CRIM1: variants seen among roughly 807,000 people sequenced by gnomAD.
The protein encoded by CRIM1 is cysteine-rich motor neuron 1 protein.
Under a neutral mutation model 116.4 loss-of-function variants are expected in CRIM1, and 32 were observed. The ratio of observed to expected loss-of-function variants is 0.27; its 90% CI spans 0.21 to 0.37. The LOEUF (loss-of-function observed/expected upper bound fraction) is 0.37, where lower values mean the gene tolerates loss of function less well. CRIM1 is among the 10% of genes least tolerant of loss of function. The pLI is 1.00. For missense variants in CRIM1, 1,331 were observed against 1,354.8 expected (o/e 0.98, Z 0.28); for synonymous variants, 590 against 509.2 (o/e 1.16, Z -2.13).
chr2:36,486,796 A>C (rs1366858883), intron 7 of CRIM1, among the ~76,000 whole-genome samples: 2 of 152,194 alleles, frequency 1.3e-5, no homozygotes, highest in Admixed American at 6.5e-5. Flanking sequence ...CTGGAATGCT[A>C]ACTATGTGAA....
intron 8 of CRIM1, among the ~76,000 whole-genome samples, chr2:36,507,620 C>G (rs1200075949): frequency 6.6e-6 from 1 of 152,174 alleles, no homozygotes; most frequent in African/African-American, 2.4e-5. Context: ...GCATCCCACT[C>G]CTAGGAGGCA....
At chr2:36,389,535 T>G (rs1444411636) in intron 1 of CRIM1, among the ~76,000 whole-genome samples, 1 of 152,204 alleles carries the variant, frequency 6.6e-6, no homozygotes, top group Non-Finnish European at 1.5e-5. Flanking sequence ...GCGTGTGTAC[T>G]GTGAATTTGT....
intron 1 of CRIM1, among the ~76,000 whole-genome samples, chr2:36,382,038 A>ATG (rs544662330): frequency 2.6e-5 from 4 of 152,146 alleles, no homozygotes; most frequent in African/African-American, 9.7e-5. Context: ...AAACCTGAGG[A>ATG]CGTGCCTCAG....
chr2:36,506,181 TC>T (rs1681399873), intron 8 of CRIM1, among the ~76,000 whole-genome samples: 9 of 120,868 alleles, frequency 7.4e-5, no homozygotes, highest in South Asian at 2.9e-4. Context: ...TCTCTCTCTC[TC>T]ACACACACAC....
chr2:36,488,654 T>C (rs1385656241), intron 7 of CRIM1, among the ~76,000 whole-genome samples: 1 of 152,236 alleles, frequency 6.6e-6, no homozygotes, highest in Admixed American at 6.5e-5. Context: ...AGAATACCTG[T>C]TTACACCTCA....
intron 2 of CRIM1, among the ~76,000 whole-genome samples, chr2:36,425,138 G>T (rs147149447): frequency 2.7e-4 from 41 of 152,312 alleles, no homozygotes; most frequent in Admixed American, 1.4e-3. Flanking sequence ...TAGTGAGTTT[G>T]TGGAGGTGAG....
intron 7 of CRIM1, among the ~76,000 whole-genome samples, chr2:36,485,685 G>A (rs1679761904): frequency 6.6e-6 from 1 of 152,106 alleles, no homozygotes. Flanking sequence ...ACATAGTTTG[G>A]CTGACCCCAA....
chr2:36,478,868 T>C (rs1436135982), intron 6 of CRIM1, among the ~76,000 whole-genome samples: 2 of 152,130 alleles, frequency 1.3e-5, no homozygotes, highest in African/African-American at 4.8e-5. Context: ...CTTTGGCTAC[T>C]TCTGTCTCCC....
intron 1 of CRIM1, among the ~76,000 whole-genome samples, chr2:36,389,196 T>G (rs1468016055): frequency 6.6e-6 from 1 of 152,162 alleles, no homozygotes; most frequent in Non-Finnish European, 1.5e-5. Flanking sequence ...TTGCACTGAT[T>G]GCGGCACAAG....
At chr2:36,471,222 A>G (rs1049919502) in intron 5 of CRIM1, among the ~76,000 whole-genome samples, 5 of 152,226 alleles carry the variant, frequency 3.3e-5, no homozygotes, top group Admixed American at 1.3e-4. Flanking sequence ...AACGACAACC[A>G]GGGATTTAGA....
At chr2:36,489,155 G>T (rs182336992) in intron 7 of CRIM1, among the ~76,000 whole-genome samples, 1 of 152,242 alleles carries the variant, frequency 6.6e-6, no homozygotes, top group East Asian at 1.9e-4. Flanking sequence ...TGTATAATCA[G>T]TGCCTACCAT....
intron 1 of CRIM1, among the ~76,000 whole-genome samples, chr2:36,364,365 AAAAT>A (rs1249777013): frequency 6.6e-6 from 1 of 152,222 alleles, no homozygotes; most frequent in East Asian, 1.9e-4. Flanking sequence ...TTTTTCAGCC[AAAAT>A]AAATAAGATA....
chr2:36,499,459 C>A, intron 8 of CRIM1, 112 bp downstream of exon 8: 3 of 1,191,646 alleles, frequency 2.5e-6, no homozygotes, highest in South Asian at 1.6e-5. Context: ...CCTTGACAAC[C>A]TGAAAAAAAG....
intron 7 of CRIM1, among the ~76,000 whole-genome samples, chr2:36,497,620 AT>A (rs1467520361): frequency 5.9e-5 from 9 of 152,234 alleles, no homozygotes; most frequent in Non-Finnish European, 1.3e-4. Context: ...ATTGAAGGAA[AT>A]TAGAAACTAC....
chr2:36,386,101 A>G (rs542635024), intron 1 of CRIM1, among the ~76,000 whole-genome samples: 1 of 152,270 alleles, frequency 6.6e-6, no homozygotes, highest in East Asian at 1.9e-4. Context: ...TCCCATACCT[A>G]GTCTTCTGGT....
At chr2:36,373,634 C>T (rs777570573) in intron 1 of CRIM1, among the ~76,000 whole-genome samples, 1 of 152,122 alleles carries the variant, frequency 6.6e-6, no homozygotes, top group South Asian at 2.1e-4. Context: ...AGCCGGTGGA[C>T]CAGCAGAATG....
intron 2 of CRIM1, among the ~76,000 whole-genome samples, chr2:36,419,194 A>C (rs1249060805): frequency 6.6e-6 from 1 of 152,202 alleles, no homozygotes; most frequent in East Asian, 1.9e-4. Context: ...GGTTCTAGTC[A>C]TAAAGGAGGC....
At chr2:36,365,933 C>T (rs992610055) in intron 1 of CRIM1, among the ~76,000 whole-genome samples, 1 of 152,270 alleles carries the variant, frequency 6.6e-6, no homozygotes, top group East Asian at 1.9e-4. Flanking sequence ...CACGTTTCAC[C>T]ATGTTGGCCA....
intron 4 of CRIM1, among the ~76,000 whole-genome samples, chr2:36,464,323 G>A (rs532369887): frequency 3.3e-5 from 5 of 152,268 alleles, no homozygotes; most frequent in African/African-American, 1.2e-4. Flanking sequence ...AAAAATTGGG[G>A]TGTACATAAA....
Sources: gnomAD v4.1 joint callset for allele counts (sites outside exome capture counted in the v4.1 genomes callset) on GRCh38, gnomAD v4.1.1 for gene constraint, MANE v1.5 for transcripts, NCBI Gene and HGNC (gene_info 2026-07-23, HGNC 2026-07-21) for gene names.